CUL5: variants seen among roughly 807,000 people sequenced by gnomAD.
The protein encoded by CUL5 is cullin-5.
Under a neutral mutation model 108.8 loss-of-function variants are expected in CUL5, and 26 were observed. The observed-to-expected ratio is 0.24, with a 90% CI of 0.18 to 0.33. CUL5 has a LOEUF of 0.33. Among genes scored for constraint, CUL5 ranks in the 10% least tolerant of loss-of-function variants. The pLI is 1.00. For synonymous variants in CUL5, 334 were observed against 298.0 expected (o/e 1.12, Z -1.25); for missense variants, 524 against 909.2 (o/e 0.58, Z 5.45).
chr11:108,065,597 A>G (rs546521431), intron 7 of CUL5, among the ~76,000 whole-genome samples: 1 of 152,154 alleles, frequency 6.6e-6, no homozygotes, highest in African/African-American at 2.4e-5. Context: ...AGTTCAATGC[A>G]GTATCTCACA....
chr11:108,025,801 C>T (rs960737781), intron 1 of CUL5, among the ~76,000 whole-genome samples: 2 of 152,174 alleles, frequency 1.3e-5, no homozygotes, highest in Non-Finnish European at 2.9e-5. Context: ...ATTCTAGTCA[C>T]CTCAGCCTTT....
intron 7 of CUL5, among the ~76,000 whole-genome samples, chr11:108,069,531 A>C (rs944086817): frequency 3.3e-5 from 5 of 152,044 alleles, no homozygotes; most frequent in African/African-American, 9.7e-5. Flanking sequence ...AGAAAAAAGT[A>C]GTTTCTAAGT....
chr11:108,089,302 C>T (rs1303194216), intron 12 of CUL5, among the ~76,000 whole-genome samples, 190 bp from the exon 13 acceptor site: 1 of 152,110 alleles, frequency 6.6e-6, no homozygotes, highest in African/African-American at 2.4e-5. Flanking sequence ...GTTATAGTCT[C>T]AGTTTTGCTA....
At chr11:108,063,154 G>C (rs536517349) in intron 7 of CUL5, among the ~76,000 whole-genome samples, 1 of 152,086 alleles carries the variant, frequency 6.6e-6, no homozygotes, top group Non-Finnish European at 1.5e-5. Flanking sequence ...TATTCATTCT[G>C]GTTTTTTTGT....
At chr11:108,091,732 C>CACACACACA (rs1555024090) in intron 13 of CUL5, among the ~76,000 whole-genome samples, 12 of 149,784 alleles carry the variant, frequency 8.0e-5, no homozygotes, top group South Asian at 4.3e-4. Flanking sequence ...CACACACACA[C>CACACACACA]GACAAATAAT....
chr11:108,090,764 T>C (rs1202123617), intron 13 of CUL5, among the ~76,000 whole-genome samples: 2 of 152,020 alleles, frequency 1.3e-5, no homozygotes, highest in Non-Finnish European at 2.9e-5. Context: ...TCTCCACATA[T>C]ATATGGAGAG....
At chr11:108,026,528 C>T (rs772792254) in intron 1 of CUL5, among the ~76,000 whole-genome samples, 5 of 152,066 alleles carry the variant, frequency 3.3e-5, no homozygotes, top group Non-Finnish European at 5.9e-5. Flanking sequence ...TTTGCCTTCT[C>T]CTCTTAGCCT....
At chr11:108,103,448 C>T (rs1300312512) in intron 18 of CUL5, among the ~76,000 whole-genome samples, 2,345 of 151,624 alleles carry the variant, frequency 0.015, 58 homozygotes, top group African/African-American at 0.054. Flanking sequence ...TTAATTGAGT[C>T]AATATAAACT....
intron 7 of CUL5, among the ~76,000 whole-genome samples, chr11:108,058,266 T>TTTTTG: frequency 6.9e-6 from 1 of 145,406 alleles, no homozygotes; most frequent in South Asian, 2.2e-4. Context: ...TTTTTTTTTT[T>TTTTTG]GAAACATAGC....
intron 4 of CUL5, among the ~76,000 whole-genome samples, chr11:108,050,554 G>A (rs139021679): frequency 5.3e-4 from 81 of 152,126 alleles, no homozygotes; most frequent in African/African-American, 1.8e-3. Context: ...TTTTAGTGGA[G>A]ACCAGGTTTC....
chr11:108,069,081 A>G (rs1397817987), intron 7 of CUL5, among the ~76,000 whole-genome samples: 8 of 152,134 alleles, frequency 5.3e-5, no homozygotes, highest in Non-Finnish European at 1.5e-5. Flanking sequence ...ATAGCAAGAC[A>G]TCATCTCTAC....
In CUL5 at chr11:108,054,659, C is replaced by G. The variant is rs1274019774; in HGVS notation, c.566C>G (p.Ser189Cys). The G allele has an allele frequency of 6.3e-6, 10 of 1,583,404 alleles. No homozygotes were observed. The highest frequency in any genetic ancestry group is 8.6e-6 in the Non-Finnish European group (10 of 1,156,890). ...GVRESYVNLCSNPEDKLQIYR... is the reference protein window; with the variant it reads ...GVRESYVNLCCNPEDKLQIYR... ...TTCTGTTTTTCAGTTAACCTTTGTT[C>G]TAATCCTGAGGATAAACTTCAAATT... The change falls in exon 6 of 19, where the codon TCT becomes TGT. Residue 189 changes from serine to cysteine, a missense_variant. Physicochemically the swap from Ser to Cys is moderately radical, Grantham distance 112. Coordinates refer to ENST00000393094, the MANE Select transcript of CUL5 (RefSeq NM_003478.6).
chr11:108,073,100 G>C lies in CUL5; in HGVS notation c.1006-290G>C, dbSNP rs1399195687. Reference sequence around the variant, plus strand: ...GCCTATAGTCCCAGCTACTTGGGAGGGTGAGGCAGGAGAATGGCGTGAACC... The same window carrying C: ...GCCTATAGTCCCAGCTACTTGGGAGCGTGAGGCAGGAGAATGGCGTGAACC... On this transcript the variant is annotated intron_variant, in intron 9 of 18. Transcript: ENST00000393094. 2.0e-5 allele frequency among the ~76,000 whole-genome samples: 3 copies of C among 151,906 alleles called. No individual in the cohort carries two copies. In the South Asian group the frequency reaches 6.2e-4, roughly 32 times the overall value.
chr11:108,041,449 G>A (rs1383724234), intron 2 of CUL5, among the ~76,000 whole-genome samples: 2 of 149,112 alleles, frequency 1.3e-5, no homozygotes, highest in Non-Finnish European at 3.0e-5. Context: ...GCCAATTTTT[G>A]TATTTTTGGT....
Position 108,049,881 on chromosome 11 carries a change from T to G in CUL5, c.235-9T>G, listed in dbSNP as rs772268465. 1 of 1,597,976 alleles carries G rather than the reference T, an allele frequency of 6.3e-7. No homozygotes were observed. ...ATTTATTTCAAATTGGTACACCTCT[T>G]TTTTTCAGCGAGTACTGAGCCATCA... On this transcript the variant is annotated splice_polypyrimidine_tract_variant and intron_variant, in intron 3 of 18. Coordinates refer to ENST00000393094, the MANE Select transcript of CUL5 (RefSeq NM_003478.6).
chr11:108,099,765 T>C (rs1265547184), intron 18 of CUL5, among the ~76,000 whole-genome samples: 3 of 152,186 alleles, frequency 2.0e-5, no homozygotes, highest in African/African-American at 2.4e-5. Context: ...CTGATTCTTA[T>C]TACCATCACT....
intron 2 of CUL5, among the ~76,000 whole-genome samples, chr11:108,045,881 T>A (rs1022151239): frequency 5.3e-5 from 8 of 152,048 alleles, no homozygotes; most frequent in East Asian, 3.8e-4. Context: ...AATAAAAAAA[T>A]TTTTAAAAAT....
At chr11:108,052,555 C>T in intron 4 of CUL5, 105 bp from the exon 5 acceptor site, 2 of 1,063,222 alleles carry the variant, frequency 1.9e-6, no homozygotes, top group Admixed American at 2.4e-5. Context: ...AGCCACTGCA[C>T]CTGGCCCAGG....
chr11:108,080,459 G>C (rs1040457768), intron 11 of CUL5, among the ~76,000 whole-genome samples: 1 of 152,036 alleles, frequency 6.6e-6, no homozygotes, highest in Non-Finnish European at 1.5e-5. Context: ...GCAGTGGTCT[G>C]ATCTTGTCTT....
Sources: allele counts gnomAD v4.1 joint callset (sites outside exome capture counted in the v4.1 genomes callset), GRCh38; gene constraint gnomAD v4.1.1; transcripts MANE v1.5; gene names NCBI Gene and HGNC (gene_info 2026-07-23, HGNC 2026-07-21).